Variants in TYMP observed in about 807,000 individuals in gnomAD.
TYMP encodes the protein thymidine phosphorylase.
A neutral mutation model predicts 42.3 loss-of-function variants in TYMP; 46 were observed. The ratio of observed to expected loss-of-function variants is 1.09; its 90% CI spans 0.86 to 1.39. The LOEUF is 1.39. Ranked by LOEUF, TYMP falls within the 40% of genes most tolerant of loss-of-function variation. The pLI, the probability that TYMP is intolerant of heterozygous loss-of-function variation, is 0.00. For missense variants in TYMP, 837 were observed against 677.6 expected, an observed-to-expected ratio of 1.24 and a Z score of -2.61; for synonymous variants, 363 against 308.0, an observed-to-expected ratio of 1.18 and a Z score of -1.87.
intron 5 of TYMP, 88 bp downstream of exon 5, chr22:50,527,500 C>G (rs748400510): frequency 5.6e-6 from 9 of 1,598,858 alleles, no homozygotes; most frequent in Non-Finnish European, 6.9e-6. Flanking sequence ...GGTCAGGTGA[C>G]GGGTAACTCC....
chr22:50,527,300 G>A lies in TYMP; in HGVS notation c.647-17C>T. The A allele has an allele frequency of 6.3e-7, 1 of 1,592,762 alleles. No homozygotes were observed. Among genetic ancestry groups the A allele is most frequent in the Non-Finnish European group, 8.6e-7 (1 of 1,160,974 alleles). ...GAATGGAGGCTTTGGGGGAGGCAGA[G>A]GAGGTTGGAGACAATGGAGAACCTG... On this transcript the variant is annotated splice_polypyrimidine_tract_variant and intron_variant, in intron 5 of 9. Coordinates refer to ENST00000252029, the MANE Select transcript of TYMP (RefSeq NM_001953.5).
In TYMP at chr22:50,526,277, C is replaced by T. The variant is rs1299929503; in HGVS notation, c.1128G>A (p.Arg376=). The T allele has an allele frequency of 1.9e-6, 3 of 1,545,048 alleles. No individual in the cohort carries two copies. The highest frequency in any genetic ancestry group is 1.9e-5 in the Admixed American group (1 of 53,524). ...AERRQLLPRA[R]EQEELLAPAD... ...CGGGCGCCAGCAGCTCCTCCTGCTC[C>T]CGGGCGCGAGGCAGCAGCTGCCGGC... Residue 376 remains arginine (R), a synonymous_variant, in exon 8 of 10, where the codon CGG becomes CGA. Coordinates refer to ENST00000252029, the MANE Select transcript of TYMP (RefSeq NM_001953.5).
At position 50,529,543 on chromosome 22, in the gene TYMP, C is replaced by T. The variant is rs1267775831; in HGVS notation, c.167G>A (p.Gly56Asp). The change falls in exon 2 of 10, where the codon GGC becomes GAC. Residue 56 changes from glycine to aspartate, a missense_variant. By Grantham distance (94) the Gly-to-Asp change is moderately conservative (BLOSUM62 -1). Coordinates refer to ENST00000252029, the MANE Select transcript of TYMP (RefSeq NM_001953.5). ...GGRLSEADIR[G>D]FVAAVVNGSA... ...CCCATTCACCACAGCGGCCACGAAG[C>T]CCCTGATGTCCGCTTCGCTCAGGCG... 19 of 1,613,150 alleles carry T rather than the reference C, an allele frequency of 1.2e-5. No homozygotes were observed. The highest frequency in any genetic ancestry group is 3.3e-5 in the South Asian group (3 of 91,084).
intron 7 of TYMP, 41 bp downstream of exon 7, chr22:50,526,535 C>G: frequency 3.2e-6 from 5 of 1,539,572 alleles, no homozygotes; most frequent in South Asian, 1.2e-5. Context: ...GCGGGAAGCA[C>G]CCCCCGCCGC....
At position 50,529,543 on chromosome 22, in the gene TYMP, C is replaced by G; in HGVS notation, c.167G>C (p.Gly56Ala). Residue 56 changes from glycine to alanine, a missense_variant, in exon 2 of 10, where the codon GGC (glycine) becomes GCC (alanine). Coordinates refer to ENST00000252029, the MANE Select transcript of TYMP (RefSeq NM_001953.5). The part of the protein sequence containing the change: ...GGRLSEADIR[G>A]FVAAVVNGSA... The stretch of plus-strand genomic sequence containing the variant: ...CCCATTCACCACAGCGGCCACGAAG[C>G]CCCTGATGTCCGCTTCGCTCAGGCG... 1 of 1,613,150 alleles carries G rather than the reference C, an allele frequency of 6.2e-7. No individual in the cohort carries two copies. The highest frequency in any genetic ancestry group is 1.1e-5 in the South Asian group (1 of 91,084).
Position 50,526,471 on chromosome 22 carries a change from C to A in TYMP, c.934G>T (p.Ala312Ser). ...LRDLVTTLGG[A>S]LLWLSGHAGT... ...GCGTGTCCGCTGAGCCAGAGCAGGGCGCCCCCTGCGGGCGGGGACGGGTCT... is the reference window on the plus strand; with the variant it reads ...GCGTGTCCGCTGAGCCAGAGCAGGGAGCCCCCTGCGGGCGGGGACGGGTCT... Residue 312 changes from alanine (A) to serine (S), a missense_variant, in exon 8 of 10, where the codon GCC becomes TCC. Ala to Ser is a moderately conservative substitution (Grantham distance 99). Coordinates refer to ENST00000252029, the MANE Select transcript of TYMP (RefSeq NM_001953.5). The A allele has an allele frequency of 6.7e-7, 1 of 1,490,978 alleles. No homozygotes were observed. Among genetic ancestry groups the A allele is most frequent in the Non-Finnish European group, 8.9e-7 (1 of 1,128,814 alleles). 92.4% of individuals were successfully genotyped at this position (1,490,978 alleles called of 1,614,324 possible). A position where few individuals can be genotyped will look rare whatever the true frequency, so the allele number is the denominator to read the frequency against.
chr22:50,525,890 G>C lies in TYMP; in HGVS notation c.1329C>G (p.Asp443Glu). 5 of 1,572,226 alleles carry C rather than the reference G, an allele frequency of 3.2e-6. No homozygotes were observed. Among genetic ancestry groups the C allele is most frequent in the Non-Finnish European group, 4.3e-6 (5 of 1,160,902 alleles). Reference protein sequence around the residue: ...RGTPWLRVHRDGPALSGPQSR... With the variant: ...RGTPWLRVHREGPALSGPQSR... ...TCTGCGGGCCGCTGAGCGCGGGGCC[G>C]TCCCGGTGCACGCGGAGCCAGGGGG... Residue 443 changes from aspartate (D) to glutamate (E), a missense_variant, in exon 10 of 10, where the codon GAC (aspartate) becomes GAG (glutamate). Asp to Glu is a conservative substitution (Grantham distance 45). Coordinates refer to ENST00000252029, the MANE Select transcript of TYMP (RefSeq NM_001953.5).
At chr22:50,527,830 A>C in intron 4 of TYMP, 113 bp from the exon 5 acceptor site, 2 of 1,406,822 alleles carry the variant, frequency 1.4e-6, no homozygotes, top group Non-Finnish European at 1.9e-6. Context: ...GCTGGAGTGC[A>C]GTTGGCACAA....
At position 50,526,641 on chromosome 22, in the gene TYMP, T is replaced by C; in HGVS notation, c.863A>G (p.Glu288Gly). The C allele has an allele frequency of 2.5e-6, 4 of 1,569,812 alleles. No individual in the cohort carries two copies. The highest frequency in any genetic ancestry group is 3.5e-6 in the Non-Finnish European group (4 of 1,159,350). Residue 288 changes from glutamate to glycine, a missense_variant, in exon 7 of 10, where the codon GAG becomes GGG. Transcript: ENST00000252029. ...GCCGTCCATGCAGAGCAGCGCCTCC[T>C]CCACCTCCAGGGCGTGGCCCACGCA... ...GRCVGHALEV[E>G]EALLCMDGAG... is the part of the protein sequence containing the mutation.
At position 50,529,732 on chromosome 22, in the gene TYMP, C is replaced by T. The variant is rs756817584; in HGVS notation, c.-10-13G>A. 1.9e-5 allele frequency: 30 copies of T among 1,597,158 alleles called. No individual in the cohort carries two copies. The highest frequency in any genetic ancestry group is 2.6e-5 in the Non-Finnish European group (30 of 1,172,674). ...CATCGCTCCGGGCCTGCGGGGATGC[C>T]TGACACGTCCGGGGTCTGCGGCCTC... On this transcript the variant is annotated splice_polypyrimidine_tract_variant and intron_variant, in intron 1 of 9. Transcript: ENST00000252029.
At position 50,529,019 on chromosome 22, in the gene TYMP, G is replaced by A; in HGVS notation, c.417+117C>T. Reference sequence around the variant, plus strand: ...GTGCTGGGGAGCAGGGTGGGGAGAAGCCTTGGTAGGGTCTTGGAGGCTTTG... The same window carrying A: ...GTGCTGGGGAGCAGGGTGGGGAGAAACCTTGGTAGGGTCTTGGAGGCTTTG... On this transcript the variant is annotated intron_variant, in intron 3 of 9. Coordinates refer to ENST00000252029, the MANE Select transcript of TYMP (RefSeq NM_001953.5). 3 of 1,091,642 alleles carry A rather than the reference G, an allele frequency of 2.7e-6. No individual in the cohort carries two copies. In the South Asian group the frequency reaches 3.9e-5, roughly 14 times the overall value. The allele number at this position is 1,091,642 out of a possible 1,614,324, so 67.6% of individuals were successfully genotyped here.
At position 50,526,120 on chromosome 22, in the gene TYMP, G is replaced by A. The variant is rs1414925289; in HGVS notation, c.1181C>T (p.Ala394Val). Residue 394 changes from alanine to valine, a missense_variant, in exon 9 of 10, where the codon GCG becomes GTG. Transcript: ENST00000252029. ...GTGCAGCACCAGCGCCAGCGGCAGC[G>A]CCCGGACCAGCTCCACGGTGCCTGC... ...PADGTVELVR[A>V]LPLALVLHEL... The A allele has an allele frequency of 2.7e-6, 4 of 1,488,386 alleles. No individual in the cohort carries two copies. The highest frequency in any genetic ancestry group is 2.8e-5 in the East Asian group (1 of 35,548). 92.2% of individuals were successfully genotyped at this position (1,488,386 alleles called of 1,614,324 possible).
chr22:50,525,817 C>T lies in TYMP; in HGVS notation c.1402G>A (p.Ala468Thr). Residue 468 changes from alanine to threonine, a missense_variant, in exon 10 of 10, where the codon GCC becomes ACC. Transcript: ENST00000252029. ...ALVLSDRAPF[A>T]APSPFAELVL... ...AGCTCTGCGAAGGGCGAGGGGGCGG[C>T]GAATGGCGCGCGGTCGGAGAGTACG... is the stretch of plus-strand genomic sequence containing the variant. The T allele has an allele frequency of 1.2e-6, 2 of 1,610,244 alleles. No individual in the cohort carries two copies. Among genetic ancestry groups the T allele is most frequent in the South Asian group, 2.2e-5 (2 of 90,990 alleles).
intron 1 of TYMP, 84 bp from the exon 2 acceptor site, chr22:50,529,803 C>A (rs1253737215): frequency 8.5e-7 from 1 of 1,180,482 alleles, no homozygotes; most frequent in Non-Finnish European, 1.2e-6. Context: ...GACCCCTTTC[C>A]CGTGTCTCTC....
intron 6 of TYMP, 77 bp downstream of exon 6, chr22:50,527,088 C>T: frequency 8.6e-7 from 1 of 1,161,234 alleles, no homozygotes; most frequent in Non-Finnish European, 1.3e-6. Flanking sequence ...TGGAGGGAGG[C>T]AGTGGGGACG....
At position 50,529,520 on chromosome 22, in the gene TYMP, C is replaced by T. The variant is rs767063709; in HGVS notation, c.190G>A (p.Gly64Arg). ...IRGFVAAVVN[G>R]SAQGAQIGAM... ...CCGATCTGTGCGCCCTGCGCGCTCC[C>T]ATTCACCACAGCGGCCACGAAGCCC... Residue 64 changes from glycine to arginine, a missense_variant, in exon 2 of 10, where the codon GGG becomes AGG. Gly to Arg is a moderately radical substitution (Grantham distance 125). Coordinates refer to ENST00000252029, the MANE Select transcript of TYMP (RefSeq NM_001953.5). 67 of 1,612,888 alleles carry T rather than the reference C, an allele frequency of 4.2e-5. 2 individuals carry two copies. The South Asian group carries it at 6.8e-4, about 16-fold the overall frequency.
At chr22:50,526,880 A>G (rs540683865) in intron 6 of TYMP, 142 bp from the exon 7 acceptor site, 6 of 903,820 alleles carry the variant, frequency 6.6e-6, no homozygotes, top group South Asian at 3.3e-5. Flanking sequence ...GGGAAGAGAC[A>G]CGAGTGAAGT....
intron 6 of TYMP, 43 bp from the exon 7 acceptor site, chr22:50,526,781 T>C (rs2069405062): frequency 6.6e-7 from 1 of 1,525,660 alleles, no homozygotes. Flanking sequence ...TGGCGGGGCC[T>C]TCTGCAGCCG....
intron 9 of TYMP, 30 bp downstream of exon 9, chr22:50,525,971 C>T (rs2069343446): frequency 1.5e-6 from 2 of 1,378,094 alleles, no homozygotes; most frequent in Non-Finnish European, 9.3e-7. Flanking sequence ...GGCGGGGGTG[C>T]GGGGCCAGCA....
Sources: gnomAD v4.1 joint callset for allele counts on GRCh38, gnomAD v4.1.1 for gene constraint, MANE v1.5 for transcripts, NCBI Gene and HGNC (gene_info 2026-07-23, HGNC 2026-07-21) for gene names.